The following RCHY1 variants were observed in gnomAD, a reference collection of about 807,000 sequenced individuals.
RCHY1 encodes ring finger and CHY zinc finger domain containing 1, also known as RING finger and CHY zinc finger domain-containing protein 1.
In RCHY1, 21 loss-of-function variants were observed where a neutral mutation model predicts 41.6. The observed-to-expected ratio is 0.51, with a 90% CI of 0.36 to 0.73. The LOEUF (loss-of-function observed/expected upper bound fraction) is 0.73. Ranked by LOEUF, RCHY1 falls within the 30% of genes least tolerant of loss-of-function variation. The pLI, the probability that RCHY1 is intolerant of heterozygous loss-of-function variation, is 0.00. For synonymous variants in RCHY1, 79 were observed against 102.9 expected (o/e 0.77, Z 1.41); for missense variants, 265 against 325.3 (o/e 0.81, Z 1.43).
chr4:75,506,531 C>T (rs934009464), intron 3 of RCHY1, among the ~76,000 whole-genome samples: 1 of 151,586 alleles, frequency 6.6e-6, no homozygotes, highest in Non-Finnish European at 1.5e-5. Context: ...AAATAGATAA[C>T]TTGGTAGGCT....
intron 1 of RCHY1, among the ~76,000 whole-genome samples, chr4:75,513,507 G>C (rs550508457): frequency 6.6e-6 from 1 of 152,104 alleles, no homozygotes; most frequent in African/African-American, 2.4e-5. Flanking sequence ...TTTGGGGATA[G>C]GGCGGTTGAG....
chr4:75,496,932 T>C (rs1231253658), intron 3 of RCHY1, among the ~76,000 whole-genome samples: 1 of 152,028 alleles, frequency 6.6e-6, no homozygotes, highest in Middle Eastern at 3.2e-3. Context: ...TTAGAATTAA[T>C]ACAGGGCATT....
chr4:75,512,194 A>G (rs542083530), intron 1 of RCHY1, among the ~76,000 whole-genome samples: 3 of 152,272 alleles, frequency 2.0e-5, no homozygotes, highest in African/African-American at 7.2e-5. Flanking sequence ...TCCCTGGTCA[A>G]TTCTCTCATT....
intron 3 of RCHY1, among the ~76,000 whole-genome samples, chr4:75,502,651 A>G (rs1723892372): frequency 6.6e-6 from 1 of 152,224 alleles, no homozygotes; most frequent in Non-Finnish European, 1.5e-5. Context: ...GAACCCTTTC[A>G]TAAATCTGAT....
intron 8 of RCHY1, among the ~76,000 whole-genome samples, chr4:75,487,717 C>CAT (rs372107342): frequency 3.2e-3 from 149 of 46,282 alleles, no homozygotes; most frequent in Middle Eastern, 0.029. Context: ...AATATATATT[C>CAT]ATATATATAT....
intron 8 of RCHY1, among the ~76,000 whole-genome samples, chr4:75,484,555 G>C (rs745728783): frequency 4.6e-5 from 7 of 152,080 alleles, no homozygotes; most frequent in Admixed American, 2.0e-4. Context: ...CATTTAAGTA[G>C]AGAAAAATCA....
intron 8 of RCHY1, among the ~76,000 whole-genome samples, chr4:75,486,436 T>C (rs1039543852): frequency 6.6e-6 from 1 of 151,848 alleles, no homozygotes; most frequent in Non-Finnish European, 1.5e-5. Flanking sequence ...TTTTATATAG[T>C]ATAGAAAAAC....
At chr4:75,513,934 TAAGCCCACTGGCA>T in intron 1 of RCHY1, 1 of 333,094 alleles carries the variant, frequency 3.0e-6, no homozygotes, top group African/African-American at 2.1e-5. Context: ...AAAAGACGAA[TAAGCCCACTGGCA>T]GAGACCACTG....
At chr4:75,495,888 T>C (rs1274416324) in intron 3 of RCHY1, among the ~76,000 whole-genome samples, 1 of 151,896 alleles carries the variant, frequency 6.6e-6, no homozygotes, top group Admixed American at 6.6e-5. Flanking sequence ...TATGTATAAA[T>C]ATTTGTCTGT....
intron 4 of RCHY1, among the ~76,000 whole-genome samples, chr4:75,492,944 A>C (rs893440655): frequency 2.0e-5 from 3 of 152,038 alleles, no homozygotes; most frequent in Admixed American, 6.6e-5. Context: ...TCACACATAC[A>C]TTTTAACATC....
chr4:75,490,184 G>A (rs1182812940), intron 8 of RCHY1, among the ~76,000 whole-genome samples: 2 of 151,834 alleles, frequency 1.3e-5, no homozygotes, highest in Non-Finnish European at 2.9e-5. Flanking sequence ...AAACCAAAAC[G>A]TAATCTCAAA....
In RCHY1 at chr4:75,508,803, C is replaced by T; in HGVS notation, c.326+17G>A. The T allele has an allele frequency of 7.0e-7, 1 of 1,430,552 alleles. No homozygotes were observed. The highest frequency in any genetic ancestry group is 9.7e-7 in the Non-Finnish European group (1 of 1,035,428). The allele number at this position is 1,430,552 out of a possible 1,614,324, so 88.6% of individuals were successfully genotyped here. A position where few individuals can be genotyped will look rare whatever the true frequency, so the allele number is the denominator to read the frequency against. On this transcript the variant is annotated intron_variant, in intron 3 of 8. Transcript: ENST00000324439. The stretch of plus-strand genomic sequence containing the variant: ...TACATTAGAAGCAATTAGATAAGAA[C>T]ACTTTACATACAGTACCTACAAATT...
intron 3 of RCHY1, among the ~76,000 whole-genome samples, chr4:75,505,730 G>A (rs1174752517): frequency 3.3e-5 from 5 of 152,110 alleles, no homozygotes; most frequent in African/African-American, 1.2e-4. Flanking sequence ...AACTCCTACT[G>A]AGAACTAGAA....
At chr4:75,498,983 CAAGTG>C (rs2148747620) in intron 3 of RCHY1, among the ~76,000 whole-genome samples, 1 of 152,124 alleles carries the variant, frequency 6.6e-6, no homozygotes, top group East Asian at 1.9e-4. Flanking sequence ...GGGAAACAAA[CAAGTG>C]AAGAGACAAC....
intron 8 of RCHY1, among the ~76,000 whole-genome samples, chr4:75,483,185 G>A (rs1218585471): frequency 6.6e-6 from 1 of 152,012 alleles, no homozygotes. Context: ...GAGGCTCTTC[G>A]CTCATCCCTA....
intron 3 of RCHY1, among the ~76,000 whole-genome samples, chr4:75,507,971 G>C (rs190899064): frequency 3.3e-5 from 5 of 152,024 alleles, no homozygotes; most frequent in Admixed American, 1.3e-4. Context: ...TGTGTTTCTT[G>C]ATCTGGGTAG....
intron 3 of RCHY1, among the ~76,000 whole-genome samples, chr4:75,501,351 A>G (rs1305783246): frequency 1.3e-5 from 2 of 152,200 alleles, no homozygotes; most frequent in Admixed American, 6.5e-5. Context: ...GTCATTATTG[A>G]TGATCATATG....
At chr4:75,485,224 G>T (rs544757885) in intron 8 of RCHY1, among the ~76,000 whole-genome samples, 1 of 152,296 alleles carries the variant, frequency 6.6e-6, no homozygotes, top group South Asian at 2.1e-4. Context: ...TGAGTAAACT[G>T]CAAACAATAA....
At chr4:75,498,632 G>T (rs936668920) in intron 3 of RCHY1, among the ~76,000 whole-genome samples, 1 of 151,936 alleles carries the variant, frequency 6.6e-6, no homozygotes, top group African/African-American at 2.4e-5. Flanking sequence ...ACATATAAAT[G>T]TATGCATTTA....
Sources: allele counts gnomAD v4.1 joint callset (sites outside exome capture counted in the v4.1 genomes callset), GRCh38; gene constraint gnomAD v4.1.1; transcripts MANE v1.5; gene names NCBI Gene and HGNC (gene_info 2026-07-23, HGNC 2026-07-21).